ABCA12: variants seen among roughly 807,000 people sequenced by gnomAD.
The protein encoded by ABCA12 is ATP binding cassette subfamily A member 12, also known as glucosylceramide transporter ABCA12.
A neutral mutation model predicts 293.5 loss-of-function variants in ABCA12; 156 were observed. The observed-to-expected ratio is 0.53, with a 90% CI of 0.47 to 0.61. The LOEUF is 0.61. Ranked by LOEUF, ABCA12 falls within the 20% of genes least tolerant of loss-of-function variation. The probability of loss-of-function intolerance (pLI) is 0.00; values close to 1 mark genes in which losing one functional copy is unlikely to be tolerated. For missense variants in ABCA12, 2,797 were observed against 3,090.2 expected, an observed-to-expected ratio of 0.91 and a Z score of 2.25; for synonymous variants, 1,063 against 1,108.0, an observed-to-expected ratio of 0.96 and a Z score of 0.81.
At chr2:214,938,208 T>G (rs559202245) in intron 50 of ABCA12, among the ~76,000 whole-genome samples, 4 of 152,264 alleles carry the variant, frequency 2.6e-5, no homozygotes, top group South Asian at 2.1e-4. Context: ...ATGCAGTGTT[T>G]GGTTTTCTGT....
At position 214,937,407 on chromosome 2, in the gene ABCA12, C is replaced by T. The variant is rs1056605730; in HGVS notation, c.7542+103G>A. On this transcript the variant is annotated intron_variant, in intron 51 of 52. Transcript: ENST00000272895. ...AGAGACGGGGTTTCACCATGTTGGC[C>T]AGGCTGGTCTTAACCTCCTGACCTC... The T allele has an allele frequency of 2.4e-5, 20 of 841,886 alleles. No individual in the cohort carries two copies. In the South Asian group the frequency reaches 2.6e-4, roughly 11 times the overall value. 52.2% of individuals were successfully genotyped at this position (841,886 alleles called of 1,614,324 possible).
intron 6 of ABCA12, among the ~76,000 whole-genome samples, chr2:215,048,329 A>T (rs1228294440): frequency 6.6e-6 from 1 of 152,166 alleles, no homozygotes; most frequent in Non-Finnish European, 1.5e-5. Flanking sequence ...TATACCCAGC[A>T]GAATATAAAT....
intron 2 of ABCA12, among the ~76,000 whole-genome samples, chr2:215,067,188 C>G (rs1433141235): frequency 6.6e-6 from 1 of 152,144 alleles, no homozygotes; most frequent in Admixed American, 6.6e-5. Context: ...TCAGCGCATT[C>G]TATCCTTGAA....
intron 9 of ABCA12, among the ~76,000 whole-genome samples, chr2:215,030,935 G>T (rs995137760): frequency 1.3e-5 from 2 of 152,074 alleles, no homozygotes; most frequent in Admixed American, 6.5e-5. Context: ...TATCCTTTGG[G>T]ACTAAAATAA....
At chr2:214,974,550 A>G (rs1699465769) in intron 35 of ABCA12, among the ~76,000 whole-genome samples, 1 of 152,252 alleles carries the variant, frequency 6.6e-6, no homozygotes, top group Non-Finnish European at 1.5e-5. Context: ...AAATGAAAAT[A>G]TGTATACAAG....
intron 23 of ABCA12, among the ~76,000 whole-genome samples, chr2:214,992,522 C>CCCT (rs1348573399): frequency 6.3e-5 from 3 of 47,722 alleles, no homozygotes; most frequent in Non-Finnish European, 6.6e-5. Flanking sequence ...TATCCCCCCC[C>CCCT]TTTTTTTTTT....
intron 20 of ABCA12, among the ~76,000 whole-genome samples, chr2:215,003,665 ATAATAAT>A (rs1700190804): frequency 3.1e-5 from 2 of 64,174 alleles, no homozygotes; most frequent in East Asian, 4.6e-4. Context: ...TATTATAATA[ATAATAAT>A]TTTTTTTTTT....
chr2:214,979,922 T>C (rs1217041137), intron 31 of ABCA12, among the ~76,000 whole-genome samples: 3 of 152,226 alleles, frequency 2.0e-5, no homozygotes, highest in Non-Finnish European at 4.4e-5. Context: ...TTCTGTTAGG[T>C]GGTGCAGGGA....
At chr2:214,944,121 G>A (rs988244215) in intron 49 of ABCA12, among the ~76,000 whole-genome samples, 2 of 152,022 alleles carry the variant, frequency 1.3e-5, no homozygotes, top group Non-Finnish European at 2.9e-5. Flanking sequence ...TTTGTGAAAA[G>A]ACCATTTCAG....
At chr2:215,133,352 T>C (rs1414538771) in intron 1 of ABCA12, among the ~76,000 whole-genome samples, 3 of 151,850 alleles carry the variant, frequency 2.0e-5, no homozygotes, top group Admixed American at 1.3e-4. Context: ...CTCTAAAATA[T>C]GTTTTTCAAG....
At chr2:214,994,656 G>A (rs1036732601) in intron 23 of ABCA12, among the ~76,000 whole-genome samples, 10 of 151,670 alleles carry the variant, frequency 6.6e-5, no homozygotes, top group Non-Finnish European at 1.5e-4. Context: ...TTATATTATT[G>A]TTTTTTTTAG....
chr2:215,007,797 T>G lies in ABCA12; in HGVS notation c.2522A>C (p.Glu841Ala). 1 of 1,614,058 alleles carries G rather than the reference T, an allele frequency of 6.2e-7. No homozygotes were observed. Among genetic ancestry groups the G allele is most frequent in the Admixed American group, 1.7e-5 (1 of 60,024 alleles). Residue 841 changes from glutamate (E) to alanine (A), a missense_variant, in exon 19 of 53, where the codon GAG (glutamate) becomes GCG (alanine). By Grantham distance (107) the Glu-to-Ala change is moderately radical. Around this residue, in one of 3 missense-constraint regions of ABCA12, gnomAD observed 2,130 missense variants for 2,427.0 expected, o/e 0.88. Coordinates refer to ENST00000272895, the MANE Select transcript of ABCA12 (RefSeq NM_173076.3). The stretch of plus-strand genomic sequence containing the variant: ...GAAAAGTGGCGACTTATCCATCCAC[T>G]CTTGAGATTTTTCTCTTAATTCCGC... ...QLAELREKSQ[E>A]WMDKSPLFMN...
At chr2:215,087,105 G>A (rs1174717101) in intron 2 of ABCA12, among the ~76,000 whole-genome samples, 3 of 152,114 alleles carry the variant, frequency 2.0e-5, no homozygotes, top group Non-Finnish European at 4.4e-5. Flanking sequence ...ACCAAGGTCA[G>A]CTAATTTTGT....
At chr2:215,129,204 G>A (rs1417881393) in intron 1 of ABCA12, among the ~76,000 whole-genome samples, 1 of 152,198 alleles carries the variant, frequency 6.6e-6, no homozygotes, top group Non-Finnish European at 1.5e-5. Context: ...CTGTGGAGGT[G>A]TGTGATCAGG....
intron 17 of ABCA12, 27 bp downstream of exon 17, chr2:215,011,412 G>A: frequency 1.3e-6 from 2 of 1,533,108 alleles, no homozygotes; most frequent in Non-Finnish European, 1.8e-6. Flanking sequence ...AAGGGCAACT[G>A]TCATGCTTAT....
At position 215,028,859 on chromosome 2, in the gene ABCA12, C is replaced by T. The variant is rs117907843; in HGVS notation, c.1062-1921G>A. The stretch of plus-strand genomic sequence containing the variant: ...CCAAGGTATAATAATAACCAATATA[C>T]TCACAGCACTTGCTCAAAAAACCCT... On this transcript the variant is annotated intron_variant, in intron 9 of 52. Transcript: ENST00000272895. Among the ~76,000 whole-genome samples the T allele has an allele frequency of 1.2e-3, 188 of 152,252 alleles. No homozygotes were observed. The East Asian group carries it at 0.027, about 22-fold the overall frequency.
At chr2:214,946,054 ATAGT>A (rs1418001978) in intron 48 of ABCA12, among the ~76,000 whole-genome samples, 2 of 152,108 alleles carry the variant, frequency 1.3e-5, no homozygotes, top group African/African-American at 4.8e-5. Context: ...ATATTTTCAA[ATAGT>A]TAGAAGAAAG....
chr2:214,986,424 C>T (rs1292093991), intron 28 of ABCA12, 118 bp downstream of exon 28: 2 of 1,039,696 alleles, frequency 1.9e-6, no homozygotes, highest in African/African-American at 1.6e-5. Flanking sequence ...AACCATCTTC[C>T]TCCATCTGGG....
chr2:214,947,465 G>C lies in ABCA12; in HGVS notation c.7196C>G (p.Ser2399Cys), dbSNP rs1226788521. 1.9e-6 allele frequency: 3 copies of C among 1,613,948 alleles called. No individual in the cohort carries two copies. The highest frequency in any genetic ancestry group is 2.5e-6 in the Non-Finnish European group (3 of 1,179,888). The stretch of plus-strand genomic sequence containing the variant: ...TTTCCCTATCAAGGCCAGTGCAGTG[G>C]ATAATTTTCTTTTTGTGCCATAACT... ...MCSYGTKRKL[S>C]TALALIGKPS... Residue 2399 changes from serine to cysteine, a missense_variant, in exon 48 of 53, where the codon TCC (serine) becomes TGC (cysteine). By Grantham distance (112) the Ser-to-Cys change is moderately radical. Around this residue, in one of 3 missense-constraint regions of ABCA12, gnomAD observed 2,130 missense variants for 2,427.0 expected, o/e 0.88. Transcript: ENST00000272895.
Sources: gnomAD v4.1 joint callset for allele counts (sites outside exome capture counted in the v4.1 genomes callset) on GRCh38, gnomAD v4.1.1 for gene constraint, gnomAD v4.1.1 regional missense constraint, MANE v1.5 for transcripts, NCBI Gene and HGNC (gene_info 2026-07-23, HGNC 2026-07-21) for gene names.